Variants in CFAP47 observed in about 807,000 individuals in gnomAD.
The protein encoded by CFAP47 is cilia- and flagella-associated protein 47.
CFAP47 carries 29 observed loss-of-function variants against 148.1 expected under a neutral mutation model. The ratio of observed to expected loss-of-function variants is 0.20; its 90% CI spans 0.15 to 0.27. The LOEUF (loss-of-function observed/expected upper bound fraction) is 0.27. CFAP47 is among the 10% of genes least tolerant of loss of function. The pLI, the probability that CFAP47 is intolerant of heterozygous loss-of-function variation, is 1.00. For synonymous variants in CFAP47, 664 were observed against 577.3 expected (o/e 1.15, Z -2.15); for missense variants, 1,872 against 1,697.5 (o/e 1.10, Z -1.81).
In CFAP47 at chrX:36,257,094, C is replaced by T. The variant is rs1455055587; in HGVS notation, c.7444+5650C>T. On this transcript the variant is annotated intron_variant, in intron 49 of 63. Transcript: ENST00000378653. Reference sequence around the variant, plus strand: ...GGACTTCATAATTATCTCTTGTGAACTTCTACATGTAAGCAACAAATACAG... The same window carrying T: ...GGACTTCATAATTATCTCTTGTGAATTTCTACATGTAAGCAACAAATACAG... 2.7e-5 allele frequency among the ~76,000 whole-genome samples: 3 copies of T among 112,165 alleles called. No individual in the cohort carries two copies. The East Asian group carries it at 8.4e-4, about 32-fold the overall frequency.
chrX:36,372,838 G>A (rs1345881273), intron 62 of CFAP47, among the ~76,000 whole-genome samples: 1 of 111,824 alleles, frequency 8.9e-6, no homozygotes, highest in Non-Finnish European at 1.9e-5. Context: ...TTAAAATTGT[G>A]TGTTCTTGAT....
At chrX:35,983,881 T>A (rs1936679797) in intron 15 of CFAP47, among the ~76,000 whole-genome samples, 1 of 112,007 alleles carries the variant, frequency 8.9e-6, no homozygotes, top group South Asian at 3.7e-4. Flanking sequence ...TTGCTAAGAA[T>A]CTTTGCATTT....
chrX:36,273,794 T>C (rs1204040046), intron 49 of CFAP47, among the ~76,000 whole-genome samples: 1 of 111,538 alleles, frequency 9.0e-6, no homozygotes, highest in Non-Finnish European at 1.9e-5. Flanking sequence ...ATATTATTCA[T>C]TATAATATGT....
intron 57 of CFAP47, among the ~76,000 whole-genome samples, chrX:36,337,694 G>C (rs1421524504): frequency 9.1e-6 from 1 of 110,396 alleles, no homozygotes; most frequent in Non-Finnish European, 1.9e-5. Flanking sequence ...CATATTAATA[G>C]ATTAGCTTAA....
chrX:35,950,057 G>T (rs1185342024), intron 4 of CFAP47, among the ~76,000 whole-genome samples: 1 of 111,619 alleles, frequency 9.0e-6, no homozygotes, highest in Non-Finnish European at 1.9e-5. Context: ...GTTTAAAAAA[G>T]GTCCCAGTCT....
chrX:36,313,339 G>C (rs1941409077), intron 56 of CFAP47, among the ~76,000 whole-genome samples: 1 of 110,323 alleles, frequency 9.1e-6, no homozygotes, highest in Non-Finnish European at 1.9e-5. Flanking sequence ...TGACGGCAGG[G>C]AAGAGAGATC....
At chrX:36,087,606 A>G (rs1412302791) in intron 30 of CFAP47, among the ~76,000 whole-genome samples, 1 of 112,250 alleles carries the variant, frequency 8.9e-6, no homozygotes, top group Non-Finnish European at 1.9e-5. Context: ...CATCTCATTC[A>G]TCTGGAATTT....
chrX:36,196,229 A>T (rs1939919165), intron 42 of CFAP47, among the ~76,000 whole-genome samples: 1 of 111,690 alleles, frequency 9.0e-6, no homozygotes, highest in African/African-American at 3.2e-5. Context: ...TCAGGTTTAT[A>T]TTATAATTTT....
In CFAP47 at chrX:36,333,220, C is replaced by CT. The variant is rs11317977; in HGVS notation, c.8443+13922dup. The stretch of plus-strand genomic sequence containing the variant: ...ATCCCAAAGTACAGTATACATCTAC[C>CT]TTTTTTTTTACCATAATTCTCACTC... On this transcript the variant is annotated intron_variant, in intron 57 of 63. Transcript: ENST00000378653. Among the ~76,000 whole-genome samples the CT allele has an allele frequency of 3.8e-3, 416 of 109,067 alleles. 2 individuals are homozygous for CT. The highest frequency in any genetic ancestry group is 8.1e-3 in the African/African-American group (243 of 30,050). The allele number at this position is 109,067 out of a possible 115,157, so 94.7% of individuals were successfully genotyped here.
intron 43 of CFAP47, among the ~76,000 whole-genome samples, 192 bp downstream of exon 43, chrX:36,200,685 G>T (rs1408901373): frequency 9.0e-6 from 1 of 111,390 alleles, no homozygotes; most frequent in Non-Finnish European, 1.9e-5. Context: ...AATTTCAATG[G>T]TGATTTTTTA....
chrX:35,977,908 A>T lies in CFAP47; in HGVS notation c.2713+1995A>T, dbSNP rs138202147. The stretch of plus-strand genomic sequence containing the variant: ...CATTAGGTTTGGAGATCACTGACAC[A>T]GCTATTTAATCTTCTTATTAATGTG... On this transcript the variant is annotated intron_variant, in intron 15 of 63. Transcript: ENST00000378653. Among the ~76,000 whole-genome samples the T allele has an allele frequency of 5.8e-3, 647 of 111,826 alleles. 7 individuals carry two copies. The highest frequency in any genetic ancestry group is 0.02 in the African/African-American group (622 of 30,845).
chrX:36,160,847 TTTC>T (rs1286239184), intron 39 of CFAP47, 78 bp downstream of exon 39: 4 of 248,904 alleles, frequency 1.6e-5, no homozygotes, highest in African/African-American at 1.3e-4. Context: ...ATTTTCTTTC[TTTC>T]TTTTTTTTTT....
intron 3 of CFAP47, among the ~76,000 whole-genome samples, chrX:35,947,816 T>A (rs1349563563): frequency 8.9e-6 from 1 of 112,065 alleles, no homozygotes; most frequent in African/African-American, 3.2e-5. Flanking sequence ...TATCATAGAT[T>A]ATTTACGGAA....
At chrX:35,975,402 A>G in intron 14 of CFAP47, 39 bp downstream of exon 14, 1 of 870,034 alleles carries the variant, frequency 1.1e-6, no homozygotes, top group South Asian at 2.3e-5. Context: ...TTAGAATCAA[A>G]GTGTACTTCT....
intron 48 of CFAP47, 141 bp from the exon 49 acceptor site, chrX:36,251,192 A>G (rs1555998147): frequency 3.6e-6 from 1 of 275,258 alleles, no homozygotes; most frequent in Non-Finnish European, 6.4e-6. Context: ...TTTTTAAAAA[A>G]GTGAATGATT....
chrX:36,173,560 C>T (rs188572240), intron 39 of CFAP47, among the ~76,000 whole-genome samples: 4 of 111,641 alleles, frequency 3.6e-5, no homozygotes, highest in Non-Finnish European at 5.6e-5. Flanking sequence ...GTTATGTACT[C>T]AGTAGTCATT....
chrX:36,294,678 C>G (rs1194688631), intron 51 of CFAP47, among the ~76,000 whole-genome samples: 1 of 110,550 alleles, frequency 9.0e-6, no homozygotes, highest in Non-Finnish European at 1.9e-5. Context: ...TGCCACTGCA[C>G]TCCAGCCTGG....
intron 13 of CFAP47, among the ~76,000 whole-genome samples, chrX:35,973,445 T>C (rs1601910414): frequency 8.9e-6 from 1 of 111,955 alleles, no homozygotes; most frequent in East Asian, 2.8e-4. Context: ...CGCCTCGGCC[T>C]CCCAAAGTGC....
At chrX:36,156,529 A>G (rs1011559679) in intron 37 of CFAP47, among the ~76,000 whole-genome samples, 1 of 111,095 alleles carries the variant, frequency 9.0e-6, no homozygotes, top group Non-Finnish European at 1.9e-5. Flanking sequence ...TCATTGAGCC[A>G]TATGTGCACT....
Sources: gnomAD v4.1 joint callset for allele counts (sites outside exome capture counted in the v4.1 genomes callset) on GRCh38, gnomAD v4.1.1 for gene constraint, MANE v1.5 for transcripts, NCBI Gene and HGNC (gene_info 2026-07-23, HGNC 2026-07-21) for gene names.